Variants in STARD6 observed in about 807,000 individuals in gnomAD.
The protein encoded by STARD6 is StAR related lipid transfer domain containing 6, also known as stAR-related lipid transfer protein 6.
STARD6 carries 21 observed loss-of-function variants against 22.3 expected under a neutral mutation model. The ratio of observed to expected loss-of-function variants is 0.94; its 90% CI spans 0.67 to 1.35. STARD6 has a LOEUF of 1.35. Among genes scored for constraint, STARD6 ranks in the 40% most tolerant of loss-of-function variants. The pLI, the probability that STARD6 is intolerant of heterozygous loss-of-function variation, is 0.00. For missense variants in STARD6, 269 were observed against 266.9 expected, an observed-to-expected ratio of 1.01 and a Z score of -0.05; for synonymous variants, 80 against 88.1, an observed-to-expected ratio of 0.91 and a Z score of 0.52.
intron 1 of STARD6, among the ~76,000 whole-genome samples, chr18:54,356,684 C>T (rs755557602): frequency 3.3e-5 from 5 of 152,098 alleles, no homozygotes; most frequent in Non-Finnish European, 5.9e-5. Flanking sequence ...TAAAAAGACA[C>T]TTAGGTGGAA....
intron 7 of STARD6, among the ~76,000 whole-genome samples, chr18:54,329,007 T>C (rs1046446014): frequency 2.0e-5 from 3 of 152,132 alleles, no homozygotes; most frequent in African/African-American, 7.2e-5. Flanking sequence ...TCTAGGAAAG[T>C]TTATTTTTAA....
intron 4 of STARD6, among the ~76,000 whole-genome samples, chr18:54,337,699 A>G (rs1022041043): frequency 3.3e-5 from 5 of 152,220 alleles, no homozygotes; most frequent in South Asian, 2.1e-4. Flanking sequence ...TGCAAAGCCT[A>G]AAGTATTTAC....
intron 4 of STARD6, among the ~76,000 whole-genome samples, chr18:54,351,898 CG>C (rs1219946733): frequency 0.018 from 1,085 of 61,504 alleles, 13 homozygotes; most frequent in Admixed American, 0.056. Flanking sequence ...GATATTGGTC[CG>C]TTTTTTTTTT....
intron 2 of STARD6, 63 bp from the exon 3 acceptor site, chr18:54,354,640 A>C (rs570803786): frequency 1.8e-6 from 2 of 1,142,822 alleles, no homozygotes; most frequent in Non-Finnish European, 2.6e-6. Context: ...AAAAAGTGCT[A>C]TCTTACATTT....
chr18:54,324,797 T>C lies in STARD6; in HGVS notation c.558A>G (p.Lys186=). The change falls in exon 8 of 8, where the codon AAA becomes AAG. Residue 186 remains lysine (K), a synonymous_variant. Coordinates refer to ENST00000307844, the MANE Select transcript of STARD6 (RefSeq NM_139171.2). ...AGTTTACTAAGTTGGAAGGCATGGT[T>C]TTTTCAATTATTGATGGGGACAATT... ...RGKLSPSIIE[K]TMPSNLVNFI... The C allele has an allele frequency of 6.2e-7, 1 of 1,607,580 alleles. No individual in the cohort carries two copies. Among genetic ancestry groups the C allele is most frequent in the African/African-American group, 1.3e-5 (1 of 74,356 alleles).
intron 2 of STARD6, among the ~76,000 whole-genome samples, chr18:54,354,962 G>A (rs1040248399): frequency 2.0e-5 from 3 of 152,240 alleles, no homozygotes; most frequent in Non-Finnish European, 4.4e-5. Flanking sequence ...CCTGGCATGC[G>A]ATAGTCATTC....
In STARD6 at chr18:54,342,447, C is replaced by CTCTCCCTCTCCT. The variant is rs1568171234; in HGVS notation, c.141-5197_141-5196insAGGAGAGGGAGA. 1.5e-5 allele frequency among the ~76,000 whole-genome samples: 2 copies of CTCTCCCTCTCCT among 130,272 alleles called. 1 individual carries two copies. Among genetic ancestry groups the CTCTCCCTCTCCT allele is most frequent in the African/African-American group, 6.1e-5 (2 of 32,916 alleles). 85.5% of individuals were successfully genotyped at this position (130,272 alleles called of 152,430 possible). On this transcript the variant is annotated intron_variant, in intron 4 of 7. Coordinates refer to ENST00000307844, the MANE Select transcript of STARD6 (RefSeq NM_139171.2). ...CGTCTCCCTCTCCCTCTCCCTCTCCCTCTCCCTCTCCCTCTCCCTCCCTCT... is the reference window on the plus strand; with the variant it reads ...CGTCTCCCTCTCCCTCTCCCTCTCCCTCTCCCTCTCCTTCTCCCTCTCCCTCTCCCTCCCTCT...
chr18:54,329,475 T>G, intron 6 of STARD6, 35 bp from the exon 7 acceptor site: 1 of 1,502,902 alleles, frequency 6.7e-7, no homozygotes, highest in East Asian at 2.3e-5. Flanking sequence ...TGAAACCTAT[T>G]CACAAAGAGG....
chr18:54,337,696 C>A (rs1322508894), intron 4 of STARD6, among the ~76,000 whole-genome samples: 1 of 152,134 alleles, frequency 6.6e-6, no homozygotes, highest in African/African-American at 2.4e-5. Flanking sequence ...AGTTGCAAAG[C>A]CTAAAGTATT....
At position 54,324,634 on chromosome 18, in the gene STARD6, C is replaced by G. The variant is rs1390828643; in HGVS notation, c.*58G>C. The G allele has an allele frequency of 2.0e-6, 3 of 1,537,516 alleles. No individual in the cohort carries two copies. Among genetic ancestry groups the G allele is most frequent in the Non-Finnish European group, 2.7e-6 (3 of 1,120,492 alleles). ...TTATGTGCGTTGACTTAGAAGTAAA[C>G]AGCAATAACTACTACACATGATTTT... On this transcript the variant is annotated 3_prime_UTR_variant, in exon 8 of 8. Coordinates refer to ENST00000307844, the MANE Select transcript of STARD6 (RefSeq NM_139171.2).
At chr18:54,334,269 C>T (rs1455936602) in intron 5 of STARD6, among the ~76,000 whole-genome samples, 1 of 152,180 alleles carries the variant, frequency 6.6e-6, no homozygotes. Context: ...CTCATAGCCT[C>T]ATAACTTTTT....
intron 7 of STARD6, among the ~76,000 whole-genome samples, chr18:54,328,045 A>G (rs2088838235): frequency 1.3e-5 from 2 of 152,128 alleles, no homozygotes; most frequent in South Asian, 4.1e-4. Flanking sequence ...CAGGCTGTAT[A>G]GGCCACCCAC....
At chr18:54,341,411 T>C (rs543234538) in intron 4 of STARD6, among the ~76,000 whole-genome samples, 55 of 152,246 alleles carry the variant, frequency 3.6e-4, no homozygotes, top group Middle Eastern at 3.4e-3. Context: ...AGCAAGAATA[T>C]TGAAGACTTG....
intron 4 of STARD6, among the ~76,000 whole-genome samples, chr18:54,341,044 C>A (rs1157303932): frequency 6.6e-6 from 1 of 152,038 alleles, no homozygotes; most frequent in Non-Finnish European, 1.5e-5. Flanking sequence ...TAATTAGATA[C>A]CTCAATAGGT....
At chr18:54,325,351 G>A (rs1243279760) in intron 7 of STARD6, among the ~76,000 whole-genome samples, 3 of 152,054 alleles carry the variant, frequency 2.0e-5, no homozygotes, top group Admixed American at 6.6e-5. Flanking sequence ...TCTGCAACTA[G>A]TTTTATTTTT....
At chr18:54,333,136 C>T (rs1341115556) in intron 5 of STARD6, among the ~76,000 whole-genome samples, 1 of 152,082 alleles carries the variant, frequency 6.6e-6, no homozygotes, top group African/African-American at 2.4e-5. Flanking sequence ...TCTATTATAA[C>T]ATATGACTTG....
intron 5 of STARD6, among the ~76,000 whole-genome samples, chr18:54,332,180 C>G (rs538307432): frequency 1.4e-4 from 21 of 152,222 alleles, no homozygotes; most frequent in African/African-American, 5.1e-4. Context: ...TCCTGATTCC[C>G]CATACAGTAC....
intron 4 of STARD6, among the ~76,000 whole-genome samples, chr18:54,351,632 T>A (rs2089097244): frequency 6.6e-6 from 1 of 152,182 alleles, no homozygotes; most frequent in Non-Finnish European, 1.5e-5. Context: ...CTATGCCTAT[T>A]TTGTTGAGGG....
At chr18:54,346,671 C>T (rs1220478179) in intron 4 of STARD6, among the ~76,000 whole-genome samples, 7 of 151,740 alleles carry the variant, frequency 4.6e-5, no homozygotes, top group African/African-American at 7.3e-5. Flanking sequence ...TATTAACTGA[C>T]GAATAGATAA....
Sources: allele counts gnomAD v4.1 joint callset (sites outside exome capture counted in the v4.1 genomes callset), GRCh38; gene constraint gnomAD v4.1.1; transcripts MANE v1.5; gene names NCBI Gene and HGNC (gene_info 2026-07-23, HGNC 2026-07-21).